The following ADAM7 variants were observed in gnomAD, a reference collection of about 807,000 sequenced individuals.
ADAM7 encodes ADAM metallopeptidase domain 7, also known as disintegrin and metalloproteinase domain-containing protein 7.
In ADAM7, 97 loss-of-function variants were observed where a neutral mutation model predicts 102.9. That is an observed-to-expected ratio of 0.94 (90% CI 0.80 to 1.12). ADAM7 has a LOEUF of 1.12. Ranked by LOEUF, ADAM7 falls within the 50% of genes most tolerant of loss-of-function variation. ADAM7 has a pLI of 0.00. For synonymous variants in ADAM7, 334 were observed against 304.4 expected (o/e 1.10, Z -1.01); for missense variants, 991 against 908.7 (o/e 1.09, Z -1.16).
chr8:24,487,419 G>C, intron 11 of ADAM7, 102 bp downstream of exon 11: 3 of 1,396,746 alleles, frequency 2.1e-6, no homozygotes, highest in Non-Finnish European at 2.8e-6. Flanking sequence ...GGCCGAGGCA[G>C]GTGGATCACC....
intron 2 of ADAM7, among the ~76,000 whole-genome samples, chr8:24,444,905 T>A (rs1010041584): frequency 6.6e-6 from 1 of 152,148 alleles, no homozygotes; most frequent in East Asian, 1.9e-4. Flanking sequence ...TGTCAGATGC[T>A]AATAAACAGG....
intron 6 of ADAM7, chr8:24,467,307 T>C (rs1335195031): frequency 2.4e-5 from 9 of 373,390 alleles, no homozygotes; most frequent in Non-Finnish European, 1.4e-5. Flanking sequence ...TCTTTCCTTT[T>C]CTTCCCTGCC....
At chr8:24,444,260 T>A (rs1479390627) in intron 2 of ADAM7, among the ~76,000 whole-genome samples, 2 of 150,090 alleles carry the variant, frequency 1.3e-5, no homozygotes, top group African/African-American at 4.9e-5. Flanking sequence ...ACTGAATAAA[T>A]AATATATAAT....
chr8:24,503,092 G>A (rs993571239), intron 20 of ADAM7, among the ~76,000 whole-genome samples: 6 of 151,984 alleles, frequency 3.9e-5, no homozygotes, highest in African/African-American at 1.5e-4. Flanking sequence ...ATTCAAAAAA[G>A]CAATGAGGCT....
At chr8:24,485,153 C>A in intron 9 of ADAM7, 124 bp from the exon 10 acceptor site, 1 of 853,316 alleles carries the variant, frequency 1.2e-6, no homozygotes. Flanking sequence ...TCCAAAACTC[C>A]AGAAATAAGA....
At chr8:24,478,837 TAG>T (rs1563386391) in intron 8 of ADAM7, among the ~76,000 whole-genome samples, 1 of 152,170 alleles carries the variant, frequency 6.6e-6, no homozygotes, top group East Asian at 1.9e-4. Context: ...TATAGGATAG[TAG>T]AGTCTAAGAA....
chr8:24,476,467 G>A lies in ADAM7; in HGVS notation c.668G>A (p.Arg223Lys), dbSNP rs1386474604. The part of the protein sequence containing the change: ...RRNGHPHNKL[R>K]NRIWGMVNFV... ...AATGGTCATCCTCACAATAAACTAA[G>A]GAACCGAATTTGGGGAATGGTCAAT... is the stretch of plus-strand genomic sequence containing the variant. Residue 223 changes from arginine (R) to lysine (K), a missense_variant, in exon 8 of 22, where the codon AGG becomes AAG. Transcript: ENST00000175238. 10 of 1,608,822 alleles carry A rather than the reference G, an allele frequency of 6.2e-6. 1 individual carries two copies. In the Middle Eastern group the frequency reaches 8.3e-4, roughly 134 times the overall value.
rs1819517926 is a variant in ADAM7 at position 24,468,922 on chromosome 8, T to G, written c.633+102T>G. 3.1e-5 allele frequency: 35 copies of G among 1,134,990 alleles called. 1 individual carries two copies. In the South Asian group the frequency reaches 5.3e-4, roughly 17 times the overall value. The allele number at this position is 1,134,990 out of a possible 1,614,324, so 70.3% of individuals were successfully genotyped here. On this transcript the variant is annotated intron_variant, in intron 7 of 21. Transcript: ENST00000175238. ...AGGTATTCTAATCAGAGTTCTATTC[T>G]AGGCTCAAAGTCCTATTTTTAGCTT...
intron 16 of ADAM7, among the ~76,000 whole-genome samples, chr8:24,496,538 A>C (rs547136595): frequency 1.3e-5 from 2 of 152,312 alleles, no homozygotes; most frequent in East Asian, 3.9e-4. Flanking sequence ...AAGGGAGGCT[A>C]TATCCTGCAA....
chr8:24,504,760 C>G (rs531144362), intron 20 of ADAM7, among the ~76,000 whole-genome samples: 22 of 152,012 alleles, frequency 1.4e-4, no homozygotes, highest in African/African-American at 4.8e-4. Context: ...AGCATACCCC[C>G]ACTCTATCCC....
At position 24,509,271 on chromosome 8, in the gene ADAM7, G is replaced by A; in HGVS notation, c.*725G>A. 1 of 985,410 alleles carries A rather than the reference G, an allele frequency of 1.0e-6. No individual in the cohort carries two copies. The highest frequency in any genetic ancestry group is 1.2e-6 in the Non-Finnish European group (1 of 829,948). The allele number at this position is 985,410 out of a possible 1,614,324, so 61.0% of individuals were successfully genotyped here. On this transcript the variant is annotated 3_prime_UTR_variant, in exon 22 of 22. Transcript: ENST00000175238. ...GAGAGGACATACTCACAACTCCTATGAAGGGTTTCTAAGGTCTTTGTCCTG... is the reference window on the plus strand; with the variant it reads ...GAGAGGACATACTCACAACTCCTATAAAGGGTTTCTAAGGTCTTTGTCCTG...
chr8:24,454,532 C>A (rs1286252446), intron 3 of ADAM7, among the ~76,000 whole-genome samples: 1 of 152,188 alleles, frequency 6.6e-6, no homozygotes, highest in East Asian at 1.9e-4. Context: ...GTGGGAGTGA[C>A]CCGATTTTGC....
chr8:24,484,848 T>C (rs1313736647), intron 9 of ADAM7, among the ~76,000 whole-genome samples: 1 of 148,642 alleles, frequency 6.7e-6, no homozygotes, highest in Admixed American at 6.7e-5. Context: ...CCTCGCTCTG[T>C]GTCCTGGAGA....
At chr8:24,441,404 G>A (rs1186422356) in intron 1 of ADAM7, among the ~76,000 whole-genome samples, 1 of 152,192 alleles carries the variant, frequency 6.6e-6, no homozygotes, top group Non-Finnish European at 1.5e-5. Flanking sequence ...CTGCAGCATG[G>A]CAGGCACTGT....
intron 3 of ADAM7, among the ~76,000 whole-genome samples, chr8:24,452,057 G>C (rs1818814641): frequency 6.6e-6 from 1 of 152,046 alleles, no homozygotes; most frequent in Non-Finnish European, 1.5e-5. Flanking sequence ...GCTGAGGAGA[G>C]CTTTACTTCC....
intron 7 of ADAM7, chr8:24,476,009 A>G (rs1317336558): frequency 4.4e-6 from 2 of 454,334 alleles, no homozygotes; most frequent in South Asian, 1.6e-5. Context: ...CATATTCCTT[A>G]TTTTGTGAAC....
rs140158202 is a variant in ADAM7 at position 24,465,761 on chromosome 8, G to A, written c.375G>A (p.Thr125=). 2.1e-4 allele frequency: 331 copies of A among 1,608,454 alleles called. 5 individuals carry two copies. In the South Asian group the frequency reaches 2.7e-3, roughly 13 times the overall value. Residue 125 remains threonine (T), a synonymous_variant, in exon 5 of 22, where the codon ACG becomes ACA. Transcript: ENST00000175238. ...HEYDSAASIS[T]CNGLRGFFRI... ...ATGATTCAGCTGCCAGTATCAGTAC[G>A]TGTAATGGTCTAAGGTAATGCAGAA...
chr8:24,476,532 A>G, intron 8 of ADAM7, 28 bp downstream of exon 8: 1 of 1,553,690 alleles, frequency 6.4e-7, no homozygotes, highest in South Asian at 1.1e-5. Flanking sequence ...TTTTGAATCA[A>G]GCCAATAATA....
chr8:24,460,767 GTATA>G lies in ADAM7; in HGVS notation c.234-3099_234-3096del, dbSNP rs35152262. Among the ~76,000 whole-genome samples, 71 of 44,458 alleles carry G rather than the reference GTATA, an allele frequency of 1.6e-3. 1 individual carries two copies. The highest frequency in any genetic ancestry group is 6.2e-3 in the South Asian group (12 of 1,932). 29.2% of individuals were successfully genotyped at this position (44,458 alleles called of 152,430 possible). A position where few individuals can be genotyped will look rare whatever the true frequency, so the allele number is the denominator to read the frequency against. Reference sequence around the variant, plus strand: ...TATGTATGTATGTGTGTGTGTGTGTGTATATATATATATATATATCCCATGATGC... The same window carrying G: ...TATGTATGTATGTGTGTGTGTGTGTGTATATATATATATATCCCATGATGC... On this transcript the variant is annotated intron_variant, in intron 3 of 21. Coordinates refer to ENST00000175238, the MANE Select transcript of ADAM7 (RefSeq NM_003817.4).
Sources: allele counts gnomAD v4.1 joint callset (sites outside exome capture counted in the v4.1 genomes callset), GRCh38; gene constraint gnomAD v4.1.1; transcripts MANE v1.5; gene names NCBI Gene and HGNC (gene_info 2026-07-23, HGNC 2026-07-21).